NRG3: variants seen among roughly 807,000 people sequenced by gnomAD.
The protein encoded by NRG3 is pro-neuregulin-3, membrane-bound isoform.
Under a neutral mutation model 66.9 loss-of-function variants are expected in NRG3, and 31 were observed. The ratio of observed to expected loss-of-function variants is 0.46; its 90% CI spans 0.35 to 0.63. NRG3 has a LOEUF of 0.63. Among genes scored for constraint, NRG3 ranks in the 20% least tolerant of loss-of-function variants. NRG3 has a pLI of 0.00. For synonymous variants in NRG3, 393 were observed against 359.4 expected (o/e 1.09, Z -1.06); for missense variants, 910 against 878.9 (o/e 1.04, Z -0.45).
chr10:82,922,494 C>T (rs191973788), intron 4 of NRG3, among the ~76,000 whole-genome samples: 2 of 152,238 alleles, frequency 1.3e-5, no homozygotes, highest in Non-Finnish European at 2.9e-5. Flanking sequence ...TTTGTTTCAC[C>T]TGTGAATGAG....
intron 1 of NRG3, among the ~76,000 whole-genome samples, chr10:82,348,033 T>G (rs2135467239): frequency 6.6e-6 from 1 of 152,214 alleles, no homozygotes; most frequent in Non-Finnish European, 1.5e-5. Context: ...TTTCCCAGTC[T>G]GTGTCTTTTA....
At chr10:82,818,099 C>A (rs2061790538) in intron 3 of NRG3, among the ~76,000 whole-genome samples, 1 of 152,186 alleles carries the variant, frequency 6.6e-6, no homozygotes, top group Admixed American at 6.5e-5. Context: ...CATTTATACC[C>A]ACTATTAATT....
In NRG3 at chr10:82,908,083, C is replaced by T. The variant is rs1379099757; in HGVS notation, c.1054+42646C>T. Among the ~76,000 whole-genome samples, 9 of 152,334 alleles carry T rather than the reference C, an allele frequency of 5.9e-5. No homozygotes were observed. In the East Asian group the frequency reaches 1.7e-3, roughly 29 times the overall value. On this transcript the variant is annotated intron_variant, in intron 4 of 8. Coordinates refer to ENST00000372141, the MANE Select transcript of NRG3 (RefSeq NM_001010848.4). ...TAGCTTCTCAATAGCCATTACTTTT[C>T]TGCAAGCCTGATGAAGCATCTCACA...
At chr10:82,474,186 A>G (rs1169853127) in intron 2 of NRG3, among the ~76,000 whole-genome samples, 1 of 151,952 alleles carries the variant, frequency 6.6e-6, no homozygotes, top group African/African-American at 2.4e-5. Context: ...TCTATTTTCT[A>G]TGAGAGATCA....
At chr10:82,162,897 T>C (rs1319872330) in intron 1 of NRG3, among the ~76,000 whole-genome samples, 1 of 152,200 alleles carries the variant, frequency 6.6e-6, no homozygotes, top group Non-Finnish European at 1.5e-5. Flanking sequence ...CTAAACCATG[T>C]GAATCTCCTC....
chr10:82,417,298 G>A (rs560033220), intron 2 of NRG3, among the ~76,000 whole-genome samples: 71 of 152,270 alleles, frequency 4.7e-4, no homozygotes, highest in Non-Finnish European at 1.6e-4. Flanking sequence ...AAGTGATGCT[G>A]GAATTGAAAT....
rs138747848 is a variant in NRG3 at position 82,808,193 on chromosome 10, C to T, written c.1028-57218C>T. ...GCCCCTCAAACATAATTTCTACACACGTAGTAAAAAAAAAAAAGCACAGTA... is the reference window on the plus strand; with the variant it reads ...GCCCCTCAAACATAATTTCTACACATGTAGTAAAAAAAAAAAAGCACAGTA... On this transcript the variant is annotated intron_variant, in intron 3 of 8. Transcript: ENST00000372141. 9.6e-3 allele frequency among the ~76,000 whole-genome samples: 1,122 copies of T among 117,244 alleles called. 13 individuals carry two copies. The highest frequency in any genetic ancestry group is 0.028 in the African/African-American group (1,047 of 37,410). 76.9% of individuals were successfully genotyped at this position (117,244 alleles called of 152,430 possible). A position where few individuals can be genotyped will look rare whatever the true frequency, so the allele number is the denominator to read the frequency against.
At chr10:82,464,794 G>A (rs918841396) in intron 2 of NRG3, among the ~76,000 whole-genome samples, 2 of 152,196 alleles carry the variant, frequency 1.3e-5, no homozygotes, top group Admixed American at 1.3e-4. Flanking sequence ...CACTAATAAT[G>A]CTAACTTGTG....
rs143190555 is a variant in NRG3, at chr10:82,876,832, G to A, written c.1054+11395G>A. On this transcript the variant is annotated intron_variant, in intron 4 of 8. Transcript: ENST00000372141. Reference sequence around the variant, plus strand: ...GAGGTCATGAGTTCAAGACCAGCCTGACCAAGATGGATGAAACCCCGTCTC... The same window carrying A: ...GAGGTCATGAGTTCAAGACCAGCCTAACCAAGATGGATGAAACCCCGTCTC... Among the ~76,000 whole-genome samples the A allele has an allele frequency of 3.2e-4, 48 of 152,168 alleles. No individual in the cohort carries two copies. The East Asian group carries it at 8.9e-3, about 28-fold the overall frequency.
At position 82,370,412 on chromosome 10, in the gene NRG3, G is replaced by A. The variant is rs888398242; in HGVS notation, c.953+11544G>A. Among the ~76,000 whole-genome samples, 8 of 138,444 alleles carry A rather than the reference G, an allele frequency of 5.8e-5. 1 individual carries two copies. In the South Asian group the frequency reaches 6.4e-4, roughly 11 times the overall value. The allele number at this position is 138,444 out of a possible 152,430, so 90.8% of individuals were successfully genotyped here. The stretch of plus-strand genomic sequence containing the variant: ...TCCTCTTCTCTTTCTCTGCCGCGTC[G>A]TTCTGCCATTGCTGATCTGCTGGTC... On this transcript the variant is annotated intron_variant, in intron 2 of 8. Transcript: ENST00000372141.
intron 2 of NRG3, among the ~76,000 whole-genome samples, chr10:82,393,000 T>C (rs2086486518): frequency 6.6e-6 from 1 of 150,900 alleles, no homozygotes; most frequent in African/African-American, 2.5e-5. Flanking sequence ...AGATAATTCC[T>C]TGACATCAGG....
chr10:82,491,226 ATC>A (rs898580711), intron 2 of NRG3, among the ~76,000 whole-genome samples: 6 of 138,232 alleles, frequency 4.3e-5, no homozygotes, highest in Non-Finnish European at 9.5e-5. Flanking sequence ...ACTCTGAACT[ATC>A]TAACGAAGTA....
chr10:82,262,342 A>T (rs1263376508), intron 1 of NRG3, among the ~76,000 whole-genome samples: 1 of 152,174 alleles, frequency 6.6e-6, no homozygotes, highest in Admixed American at 6.5e-5. Context: ...ACCTTAAAGT[A>T]TTCAGCCCTA....
chr10:82,482,151 G>GA (rs540627919), intron 2 of NRG3, among the ~76,000 whole-genome samples: 2,256 of 149,066 alleles, frequency 0.015, 18 homozygotes, highest in Non-Finnish European at 0.021. Context: ...TGTGCTCTGT[G>GA]AAAAAAAAAA....
chr10:82,370,623 G>C (rs1185274013), intron 2 of NRG3, among the ~76,000 whole-genome samples: 1 of 152,056 alleles, frequency 6.6e-6, no homozygotes, highest in Non-Finnish European at 1.5e-5. Context: ...CCCATTTCCT[G>C]TCCGTATCAA....
intron 2 of NRG3, among the ~76,000 whole-genome samples, chr10:82,533,436 G>A (rs1487682710): frequency 6.7e-6 from 1 of 149,530 alleles, no homozygotes; most frequent in African/African-American, 2.4e-5. Flanking sequence ...TCAAATTTAT[G>A]TTGATAATCC....
At chr10:82,526,290 T>A (rs1455693593) in intron 2 of NRG3, among the ~76,000 whole-genome samples, 1 of 151,264 alleles carries the variant, frequency 6.6e-6, no homozygotes, top group Non-Finnish European at 1.5e-5. Flanking sequence ...TAAAAATTAA[T>A]GAAAATATTA....
At chr10:82,760,017 A>C (rs1051185784) in intron 3 of NRG3, among the ~76,000 whole-genome samples, 1 of 152,098 alleles carries the variant, frequency 6.6e-6, no homozygotes, top group African/African-American at 2.4e-5. Flanking sequence ...AAATATAAAA[A>C]ACTCCATTCA....
intron 1 of NRG3, among the ~76,000 whole-genome samples, chr10:82,314,401 A>G (rs190346810): frequency 6.6e-6 from 1 of 152,092 alleles, no homozygotes; most frequent in East Asian, 1.9e-4. Context: ...ATTTGCAGGG[A>G]CCCCGGAGAT....
Sources: allele counts gnomAD v4.1 joint callset (sites outside exome capture counted in the v4.1 genomes callset), GRCh38; gene constraint gnomAD v4.1.1; transcripts MANE v1.5; gene names NCBI Gene and HGNC (gene_info 2026-07-23, HGNC 2026-07-21).